FHIP1A: variants seen among roughly 807,000 people sequenced by gnomAD.
The protein encoded by FHIP1A is FHF complex subunit HOOK-interacting protein 1A.
In FHIP1A, 61 loss-of-function variants were observed where a neutral mutation model predicts 88.6. That is an observed-to-expected ratio of 0.69 (90% confidence interval 0.56 to 0.85). The LOEUF (loss-of-function observed/expected upper bound fraction) is 0.85, where lower values mean the gene tolerates loss of function less well. FHIP1A is among the 40% of genes least tolerant of loss of function. FHIP1A has a pLI of 0.00. For synonymous variants in FHIP1A, 478 were observed against 496.0 expected (o/e 0.96, Z 0.48); for missense variants, 1,154 against 1,273.5 (o/e 0.91, Z 1.43).
chr4:151,414,472 A>G (rs1260697843), intron 1 of FHIP1A, among the ~76,000 whole-genome samples: 2 of 152,200 alleles, frequency 1.3e-5, no homozygotes, highest in Non-Finnish European at 2.9e-5. Flanking sequence ...AGTCTGCAGA[A>G]TCTGTACCCT....
intron 7 of FHIP1A, among the ~76,000 whole-genome samples, chr4:151,608,004 TTTTTC>T (rs1161058078): frequency 2.2e-4 from 33 of 150,852 alleles, no homozygotes; most frequent in African/African-American, 7.8e-4. Context: ...TTTGATTTTC[TTTTTC>T]TTTTTTCTTT....
intron 3 of FHIP1A, among the ~76,000 whole-genome samples, chr4:151,508,660 A>G (rs149587596): frequency 1.8e-4 from 28 of 152,224 alleles, no homozygotes; most frequent in African/African-American, 6.7e-4. Context: ...TGACACTTTT[A>G]CTCTTGGAAG....
intron 3 of FHIP1A, among the ~76,000 whole-genome samples, chr4:151,553,890 C>T (rs1732842472): frequency 6.6e-6 from 1 of 152,186 alleles, no homozygotes; most frequent in Non-Finnish European, 1.5e-5. Flanking sequence ...CAGGAAATCA[C>T]ATCATGTTTT....
intron 3 of FHIP1A, among the ~76,000 whole-genome samples, chr4:151,525,390 G>A: frequency 6.6e-6 from 1 of 152,232 alleles, no homozygotes; most frequent in Non-Finnish European, 1.5e-5. Flanking sequence ...ATTCCTGAGA[G>A]GAAAAATCGG....
chr4:151,605,813 G>A (rs1735051453), intron 7 of FHIP1A, among the ~76,000 whole-genome samples: 1 of 152,176 alleles, frequency 6.6e-6, no homozygotes, highest in Non-Finnish European at 1.5e-5. Flanking sequence ...AAGTAAAGAT[G>A]GAAATTTTGA....
intron 1 of FHIP1A, among the ~76,000 whole-genome samples, chr4:151,439,923 A>T (rs1343584446): frequency 2.0e-5 from 3 of 152,128 alleles, no homozygotes; most frequent in Non-Finnish European, 4.4e-5. Flanking sequence ...TATTACGTTT[A>T]TTGTCTCTAT....
intron 2 of FHIP1A, among the ~76,000 whole-genome samples, chr4:151,464,983 GATC>G (rs888062052): frequency 6.6e-6 from 1 of 152,228 alleles, no homozygotes; most frequent in African/African-American, 2.4e-5. Flanking sequence ...CTGAGGTGAG[GATC>G]ATTTGAGGCC....
intron 3 of FHIP1A, among the ~76,000 whole-genome samples, chr4:151,556,885 A>T (rs1230106885): frequency 6.6e-6 from 1 of 151,812 alleles, no homozygotes; most frequent in Non-Finnish European, 1.5e-5. Flanking sequence ...GTACATCCTG[A>T]CCCCAAGTGC....
chr4:151,414,340 A>G (rs1189702178), intron 1 of FHIP1A, among the ~76,000 whole-genome samples: 1 of 152,190 alleles, frequency 6.6e-6, no homozygotes, highest in African/African-American at 2.4e-5. Flanking sequence ...GGCTTGAGCC[A>G]CCGCGTCTGG....
intron 7 of FHIP1A, among the ~76,000 whole-genome samples, chr4:151,627,749 G>T (rs1409965565): frequency 2.6e-5 from 4 of 152,104 alleles, no homozygotes; most frequent in Non-Finnish European, 5.9e-5. Context: ...TATAAAAAAC[G>T]TCTCTACTTT....
At chr4:151,600,214 C>T (rs919164654) in intron 7 of FHIP1A, among the ~76,000 whole-genome samples, 16 of 152,204 alleles carry the variant, frequency 1.1e-4, no homozygotes, top group African/African-American at 3.4e-4. Flanking sequence ...AAGGTGATGT[C>T]AGGGAGAAGA....
chr4:151,451,689 G>A (rs1437662270), intron 1 of FHIP1A, among the ~76,000 whole-genome samples: 1 of 152,032 alleles, frequency 6.6e-6, no homozygotes, highest in Non-Finnish European at 1.5e-5. Flanking sequence ...ATTAGCAGGG[G>A]ACACATGAAT....
intron 2 of FHIP1A, among the ~76,000 whole-genome samples, chr4:151,472,079 A>G (rs1164335613): frequency 6.6e-6 from 1 of 152,086 alleles, no homozygotes; most frequent in Non-Finnish European, 1.5e-5. Context: ...CCATAACTTG[A>G]TGGGTGTTTT....
chr4:151,592,487 T>C (rs967612441), intron 7 of FHIP1A, among the ~76,000 whole-genome samples: 4 of 152,200 alleles, frequency 2.6e-5, no homozygotes, highest in African/African-American at 4.8e-5. Flanking sequence ...TGGTATCTCA[T>C]TGTGGTTTTG....
chr4:151,651,526 A>G (rs1737030520), intron 11 of FHIP1A, among the ~76,000 whole-genome samples: 1 of 152,172 alleles, frequency 6.6e-6, no homozygotes, highest in African/African-American at 2.4e-5. Context: ...TCCTGGTTCT[A>G]GCATTTAGCA....
At chr4:151,524,236 A>G (rs1731550444) in intron 3 of FHIP1A, among the ~76,000 whole-genome samples, 1 of 151,514 alleles carries the variant, frequency 6.6e-6, no homozygotes. Flanking sequence ...CGGGAGGCGG[A>G]GGTTGCAGTG....
chr4:151,422,054 A>T (rs903151176), intron 1 of FHIP1A, among the ~76,000 whole-genome samples: 1 of 151,914 alleles, frequency 6.6e-6, no homozygotes, highest in Non-Finnish European at 1.5e-5. Flanking sequence ...GTCAAATTAT[A>T]TATGAGGGGT....
chr4:151,441,771 G>A (rs1046331335), intron 1 of FHIP1A, among the ~76,000 whole-genome samples: 1 of 152,030 alleles, frequency 6.6e-6, no homozygotes, highest in African/African-American at 2.4e-5. Flanking sequence ...TTCTTGTTCT[G>A]TGCAGATTAA....
intron 3 of FHIP1A, among the ~76,000 whole-genome samples, chr4:151,537,117 A>T (rs990896529): frequency 2.6e-5 from 4 of 151,858 alleles, no homozygotes; most frequent in African/African-American, 7.3e-5. Context: ...GGCTTATGTG[A>T]TCCTCCCTCC....
Sources: gnomAD v4.1 joint callset for allele counts (sites outside exome capture counted in the v4.1 genomes callset) on GRCh38, gnomAD v4.1.1 for gene constraint, MANE v1.5 for transcripts, NCBI Gene and HGNC (gene_info 2026-07-23, HGNC 2026-07-21) for gene names.